Variants in PRUNE2 observed in about 807,000 individuals in gnomAD.
PRUNE2 encodes the protein protein prune homolog 2.
In PRUNE2, 164 loss-of-function variants were observed where a neutral mutation model predicts 252.0. The observed-to-expected ratio is 0.65, with a 90% CI of 0.57 to 0.74. The LOEUF (loss-of-function observed/expected upper bound fraction) is 0.74, where lower values mean the gene tolerates loss of function less well. Among genes scored for constraint, PRUNE2 ranks in the 30% least tolerant of loss-of-function variants. The probability of loss-of-function intolerance (pLI) is 0.00; values close to 1 mark genes in which losing one functional copy is unlikely to be tolerated. For synonymous variants in PRUNE2, 1,292 were observed against 1,350.2 expected (o/e 0.96, Z 0.94); for missense variants, 3,495 against 3,711.0 (o/e 0.94, Z 1.51).
At chr9:76,865,856 T>G (rs2060812670) in intron 1 of PRUNE2, among the ~76,000 whole-genome samples, 1 of 141,182 alleles carries the variant, frequency 7.1e-6, no homozygotes, top group Non-Finnish European at 1.5e-5. Flanking sequence ...CACCAGAGCA[T>G]TATGACATGT....
intron 6 of PRUNE2, among the ~76,000 whole-genome samples, chr9:76,769,499 C>T (rs892041251): frequency 3.3e-5 from 5 of 152,098 alleles, no homozygotes; most frequent in Admixed American, 6.6e-5. Context: ...CTCGGCTCGT[C>T]GTCGCAACCT....
At chr9:76,811,214 G>A (rs1239487899) in intron 6 of PRUNE2, among the ~76,000 whole-genome samples, 1 of 152,198 alleles carries the variant, frequency 6.6e-6, no homozygotes, top group Non-Finnish European at 1.5e-5. Context: ...CAGAGTGAAA[G>A]AGCAGTCATC....
rs138588572 is a variant in PRUNE2, at chr9:76,874,504, C to A, written c.37-20296G>T. 4.6e-3 allele frequency among the ~76,000 whole-genome samples: 695 copies of A among 152,164 alleles called. 1 individual carries two copies. The highest frequency in any genetic ancestry group is 0.015 in the African/African-American group (641 of 41,506). On this transcript the variant is annotated intron_variant, in intron 1 of 18. Transcript: ENST00000376718. ...AGTTAAAACTCTAGATGGAGCTTTACTAAGTTGTCTTGACATTAAAAAGAA... is the reference window on the plus strand; with the variant it reads ...AGTTAAAACTCTAGATGGAGCTTTAATAAGTTGTCTTGACATTAAAAAGAA...
intron 6 of PRUNE2, chr9:76,733,711 A>C (rs1248600123): frequency 6.6e-6 from 1 of 152,024 alleles, no homozygotes; most frequent in Non-Finnish European, 1.5e-5. Context: ...GGCCCTATGA[A>C]CTTTGTACAA....
At chr9:76,691,718 G>T (rs2044750936) in intron 9 of PRUNE2, among the ~76,000 whole-genome samples, 1 of 152,136 alleles carries the variant, frequency 6.6e-6, no homozygotes, top group Admixed American at 6.5e-5. Flanking sequence ...GTCCCAAACA[G>T]TTTCAAATCT....
chr9:76,805,463 A>T (rs2056869488), intron 6 of PRUNE2, among the ~76,000 whole-genome samples: 2 of 151,598 alleles, frequency 1.3e-5, no homozygotes, highest in African/African-American at 4.8e-5. Flanking sequence ...CCTACAAATA[A>T]TTTTTTTTTA....
At chr9:76,844,458 C>T (rs1169941581) in intron 4 of PRUNE2, among the ~76,000 whole-genome samples, 1 of 152,204 alleles carries the variant, frequency 6.6e-6, no homozygotes. Context: ...GATGCCAGCA[C>T]TATGCTTTTC....
intron 4 of PRUNE2, among the ~76,000 whole-genome samples, chr9:76,832,633 T>A (rs915916971): frequency 6.6e-6 from 1 of 151,008 alleles, no homozygotes; most frequent in Non-Finnish European, 1.5e-5. Context: ...TTAAAAAAAA[T>A]ACACACACAT....
At chr9:76,730,029 C>G (rs886265809) in intron 6 of PRUNE2, among the ~76,000 whole-genome samples, 4 of 152,186 alleles carry the variant, frequency 2.6e-5, no homozygotes, top group African/African-American at 4.8e-5. Flanking sequence ...AAGCATTAAT[C>G]TTAGAAATAA....
chr9:76,814,880 C>T (rs1230573541), intron 6 of PRUNE2, among the ~76,000 whole-genome samples: 2 of 152,202 alleles, frequency 1.3e-5, no homozygotes, highest in African/African-American at 2.4e-5. Context: ...TCACTCACTA[C>T]GAGTCAACCG....
At chr9:76,753,585 C>A (rs12344115) in intron 6 of PRUNE2, among the ~76,000 whole-genome samples, 1,696 of 152,126 alleles carry the variant, frequency 0.011, 30 homozygotes, top group African/African-American at 0.038. Flanking sequence ...TGCCAGTGCT[C>A]ACCTCTCCCC....
Position 76,706,897 on chromosome 9 carries a change from C to A in PRUNE2, c.5377G>T (p.Gly1793Trp). Residue 1793 changes from glycine (G) to tryptophan (W), a missense_variant, in exon 8 of 19, where the codon GGG (glycine) becomes TGG (tryptophan). Transcript: ENST00000376718. The part of the protein sequence containing the change: ...EKEKRSSPET[G>W]TTGDVAWQIS... Reference sequence around the variant, plus strand: ...TGCCATGCAACATCTCCTGTTGTCCCTGTTTCTGGAGAAGATCTCTTCTCC... The same window carrying A: ...TGCCATGCAACATCTCCTGTTGTCCATGTTTCTGGAGAAGATCTCTTCTCC... The A allele has an allele frequency of 6.3e-7, 1 of 1,599,480 alleles. No homozygotes were observed. The highest frequency in any genetic ancestry group is 8.5e-7 in the Non-Finnish European group (1 of 1,172,640).
chr9:76,857,739 T>C (rs1483558293), intron 1 of PRUNE2, among the ~76,000 whole-genome samples: 2 of 152,266 alleles, frequency 1.3e-5, no homozygotes, highest in Non-Finnish European at 1.5e-5. Flanking sequence ...CCCCCACAAA[T>C]GACCTTGGTT....
intron 1 of PRUNE2, among the ~76,000 whole-genome samples, chr9:76,889,141 C>T (rs556734111): frequency 8.5e-5 from 13 of 152,108 alleles, no homozygotes; most frequent in African/African-American, 2.7e-4. Context: ...ATGACCCCAC[C>T]GTGCCCGGTC....
chr9:76,789,707 G>A (rs2055370881), intron 6 of PRUNE2, among the ~76,000 whole-genome samples: 1 of 152,166 alleles, frequency 6.6e-6, no homozygotes, highest in South Asian at 2.1e-4. Flanking sequence ...TGGTCAGTGA[G>A]GAGAGTTTTC....
chr9:76,720,993 C>T (rs1014555679), intron 6 of PRUNE2, among the ~76,000 whole-genome samples: 2 of 151,992 alleles, frequency 1.3e-5, no homozygotes, highest in African/African-American at 2.4e-5. Flanking sequence ...CCCAGCTACT[C>T]GGAGAGGCTG....
At chr9:76,833,695 G>A (rs536137133) in intron 4 of PRUNE2, among the ~76,000 whole-genome samples, 9 of 151,662 alleles carry the variant, frequency 5.9e-5, no homozygotes, top group Non-Finnish European at 1.0e-4. Context: ...AACCCGGGAG[G>A]CGGAGCTTGC....
intron 6 of PRUNE2, among the ~76,000 whole-genome samples, chr9:76,807,083 A>G (rs2057016664): frequency 6.6e-6 from 1 of 150,860 alleles, no homozygotes; most frequent in African/African-American, 2.5e-5. Flanking sequence ...TCTCTCTCTT[A>G]GACAGGGTCT....
intron 6 of PRUNE2, chr9:76,738,983 A>G (rs755947151): frequency 6.6e-6 from 1 of 152,188 alleles, no homozygotes; most frequent in Non-Finnish European, 1.5e-5. Flanking sequence ...TTATTATCTT[A>G]TCACAGCCTC....
Sources: allele counts gnomAD v4.1 joint callset (sites outside exome capture counted in the v4.1 genomes callset), GRCh38; gene constraint gnomAD v4.1.1; transcripts MANE v1.5; gene names NCBI Gene and HGNC (gene_info 2026-07-23, HGNC 2026-07-21).